Variants in KCNQ1OT1 observed in about 807,000 individuals in gnomAD.
KCNQ1OT1 encodes KCNQ1 antisense RNA 2 (non-protein coding).
Position 2,657,445 on chromosome 11 carries a change from C to T in KCNQ1OT1, n.42550G>A. 4 of 398,476 alleles carry T rather than the reference C, an allele frequency of 1.0e-5. No individual in the cohort carries two copies. The highest frequency in any genetic ancestry group is 1.8e-5 in the Non-Finnish European group (4 of 226,018). 24.7% of individuals were successfully genotyped at this position (398,476 alleles called of 1,614,324 possible). A position where few individuals can be genotyped will look rare whatever the true frequency, so the allele number is the denominator to read the frequency against. On this transcript the variant is annotated non_coding_transcript_exon_variant, in exon 1 of 1. Coordinates refer to ENST00000597346, the Ensembl canonical transcript of KCNQ1OT1. This position sits in a 1 kb window ranked among gnomAD's most constrained non-coding sequence, Gnocchi z 4.8. ...TATACTTAGTTAGATAATTAATATT[C>T]TTTTGTGCTATTGTATACAGGTTCT...
exon 1 of KCNQ1OT1, chr11:2,629,398 A>G (rs1170634952): frequency 5.0e-6 from 2 of 398,394 alleles, no homozygotes; most frequent in Non-Finnish European, 8.8e-6. Flanking sequence ...AAATGAAGTC[A>G]ATACCAAATC....
Position 2,674,949 on chromosome 11 carries a change from G to A in KCNQ1OT1, n.25046C>T, listed in dbSNP as rs179515. 2 of 398,016 alleles carry A rather than the reference G, an allele frequency of 5.0e-6. No homozygotes were observed. Among genetic ancestry groups the A allele is most frequent in the Admixed American group, 8.8e-5 (2 of 22,676 alleles). The allele number at this position is 398,016 out of a possible 1,614,324, so 24.7% of individuals were successfully genotyped here. On this transcript the variant is annotated non_coding_transcript_exon_variant, in exon 1 of 1. Coordinates refer to ENST00000597346, the Ensembl canonical transcript of KCNQ1OT1. This position sits in a 1 kb window ranked among gnomAD's most constrained non-coding sequence, Gnocchi z 5.9. ...TTTTCCAGGCCTCGCTTCTGGGGCT[G>A]ACTGGAGCTGTTTCTCTTCGTTTCC...
chr11:2,644,391 C>T (rs1340408064), exon 1 of KCNQ1OT1: 2 of 398,156 alleles, frequency 5.0e-6, no homozygotes, highest in Non-Finnish European at 8.9e-6. Flanking sequence ...TTTTTTATTT[C>T]ATTCAATCTA....
In KCNQ1OT1 at chr11:2,695,709, C is replaced by T. The variant is rs537815156; in HGVS notation, n.4286G>A. On this transcript the variant is annotated non_coding_transcript_exon_variant, in exon 1 of 1. Coordinates refer to ENST00000597346, the Ensembl canonical transcript of KCNQ1OT1. The surrounding 1 kb of genome is among the most constrained non-coding windows in gnomAD (Gnocchi z 5.2). ...TCTTCAGAACGTCTGTGCCTGTCTCCGTCCCCACCTGCAGCACACAGGGAG... is the reference window on the plus strand; with the variant it reads ...TCTTCAGAACGTCTGTGCCTGTCTCTGTCCCCACCTGCAGCACACAGGGAG... The T allele has an allele frequency of 6.3e-5, 25 of 398,648 alleles. 1 individual carries two copies. Among genetic ancestry groups the T allele is most frequent in the Non-Finnish European group, 8.8e-5 (20 of 226,080 alleles). The allele number at this position is 398,648 out of a possible 1,614,324, so 24.7% of individuals were successfully genotyped here.
Position 2,676,249 on chromosome 11 carries a change from G to C in KCNQ1OT1, n.23746C>G, listed in dbSNP as rs1011414650. 7.5e-6 allele frequency: 3 copies of C among 398,516 alleles called. No homozygotes were observed. The highest frequency in any genetic ancestry group is 6.2e-5 in the African/African-American group (3 of 48,628). The allele number at this position is 398,516 out of a possible 1,614,324, so 24.7% of individuals were successfully genotyped here. A position where few individuals can be genotyped will look rare whatever the true frequency, so the allele number is the denominator to read the frequency against. On this transcript the variant is annotated non_coding_transcript_exon_variant, in exon 1 of 1. Coordinates refer to ENST00000597346, the Ensembl canonical transcript of KCNQ1OT1. The surrounding 1 kb of genome is among the most constrained non-coding windows in gnomAD (Gnocchi z 4.2). ...TGATTTATTATGGTGCAGTACATCT[G>C]AGAAGCATTTTTATTGCAAAATGTG...
At position 2,671,067 on chromosome 11, in the gene KCNQ1OT1, G is replaced by A. The variant is rs1850174947; in HGVS notation, n.28928C>T. On this transcript the variant is annotated non_coding_transcript_exon_variant, in exon 1 of 1. Transcript: ENST00000597346. This position sits in a 1 kb window ranked among gnomAD's most constrained non-coding sequence, Gnocchi z 4.7. ...GTATCTGAGGCACACATCCTTGGTA[G>A]TGACTGGCTAGCAGGAGGAAGTCTG... is the stretch of plus-strand genomic sequence containing the variant. The A allele has an allele frequency of 2.5e-6, 1 of 398,678 alleles. No homozygotes were observed. The highest frequency in any genetic ancestry group is 4.4e-6 in the Non-Finnish European group (1 of 226,110). 24.7% of individuals were successfully genotyped at this position (398,678 alleles called of 1,614,324 possible).
Sources: gnomAD v4.1 joint callset for allele counts on GRCh38, gnomAD v4.1.1 for gene constraint, Gnocchi (gnomAD v3.1) non-coding constraint, MANE v1.5 for transcripts, NCBI Gene and HGNC (gene_info 2026-07-23, HGNC 2026-07-21) for gene names.